Variants in ZC3H6 observed in about 807,000 individuals in gnomAD.
The protein encoded by ZC3H6 is zinc finger CCCH domain-containing protein 6.
Under a neutral mutation model 107.7 loss-of-function variants are expected in ZC3H6, and 40 were observed. That is an observed-to-expected ratio of 0.37 (90% CI 0.29 to 0.48). The LOEUF (loss-of-function observed/expected upper bound fraction) is 0.48, where lower values mean the gene tolerates loss of function less well. Among genes scored for constraint, ZC3H6 ranks in the 20% least tolerant of loss-of-function variants. The pLI is 0.98. For missense variants in ZC3H6, 1,267 were observed against 1,410.4 expected, an observed-to-expected ratio of 0.90 and a Z score of 1.63; for synonymous variants, 493 against 487.9, an observed-to-expected ratio of 1.01 and a Z score of -0.14.
chr2:112,306,708 G>T (rs1676483501), intron 3 of ZC3H6, among the ~76,000 whole-genome samples: 1 of 152,150 alleles, frequency 6.6e-6, no homozygotes, highest in Non-Finnish European at 1.5e-5. Context: ...TGAGACCTCT[G>T]AGCCACTCAG....
At chr2:112,314,326 T>G (rs1412071408) in intron 5 of ZC3H6, among the ~76,000 whole-genome samples, 2 of 152,156 alleles carry the variant, frequency 1.3e-5, no homozygotes, top group African/African-American at 2.4e-5. Context: ...CCCTAAAAAT[T>G]TATTTGTTAA....
chr2:112,313,716 G>A (rs536090927), intron 5 of ZC3H6, among the ~76,000 whole-genome samples: 15 of 152,282 alleles, frequency 9.9e-5, no homozygotes, highest in African/African-American at 3.6e-4. Context: ...GCCCACGGAA[G>A]CAGTTCATGT....
intron 1 of ZC3H6, among the ~76,000 whole-genome samples, chr2:112,281,762 G>A (rs574553723): frequency 8.7e-4 from 132 of 152,226 alleles, no homozygotes; most frequent in African/African-American, 2.9e-3. Flanking sequence ...TGAAATGAAT[G>A]ATACCACTCA....
In ZC3H6 at chr2:112,332,603, CT is replaced by C; in HGVS notation, c.*116del. On this transcript the variant is annotated 3_prime_UTR_variant, in exon 12 of 12. Transcript: ENST00000409871. ...TTTTTAAATTATAAACACTTTTCAG[CT>C]GCTAGTATCAGAACCACATGAAGTT... The C allele has an allele frequency of 9.7e-7, 1 of 1,033,834 alleles. No individual in the cohort carries two copies. Among genetic ancestry groups the C allele is most frequent in the Non-Finnish European group, 1.4e-6 (1 of 731,232 alleles). 64.0% of individuals were successfully genotyped at this position (1,033,834 alleles called of 1,614,324 possible).
chr2:112,290,829 T>C (rs765927407), intron 1 of ZC3H6, among the ~76,000 whole-genome samples: 62 of 152,386 alleles, frequency 4.1e-4, no homozygotes, highest in African/African-American at 6.3e-4. Context: ...AATTGAACTT[T>C]GGTAGTGTGC....
chr2:112,285,226 C>T (rs1314087013), intron 1 of ZC3H6, among the ~76,000 whole-genome samples: 3 of 152,188 alleles, frequency 2.0e-5, no homozygotes, highest in South Asian at 4.1e-4. Flanking sequence ...ACATTTTCTT[C>T]TTGCATTAAT....
At chr2:112,312,292 A>AG (rs1472649009) in intron 5 of ZC3H6, 3 of 167,626 alleles carry the variant, frequency 1.8e-5, no homozygotes, top group East Asian at 1.6e-4. Flanking sequence ...CTCAATATGT[A>AG]GGGGGGACAA....
chr2:112,331,248 T>G lies in ZC3H6; in HGVS notation c.2330T>G (p.Leu777Arg). 2 of 1,613,844 alleles carry G rather than the reference T, an allele frequency of 1.2e-6. No homozygotes were observed. The highest frequency in any genetic ancestry group is 1.7e-6 in the Non-Finnish European group (2 of 1,179,876). Residue 777 changes from leucine (L) to arginine (R), a missense_variant, in exon 12 of 12, where the codon CTG (leucine) becomes CGG (arginine). Around this residue, in one of 3 missense-constraint regions of ZC3H6, gnomAD observed 925 missense variants for 1,025.7 expected, o/e 0.90. Coordinates refer to ENST00000409871, the MANE Select transcript of ZC3H6 (RefSeq NM_198581.3). ...DIRKPSESAP[L>R]DLRLAWDPRK... Reference sequence around the variant, plus strand: ...AGAAAGCCTTCTGAGTCTGCCCCACTGGATCTTAGACTTGCGTGGGATCCC... The same window carrying G: ...AGAAAGCCTTCTGAGTCTGCCCCACGGGATCTTAGACTTGCGTGGGATCCC...
chr2:112,330,202 G>A (rs182386873), intron 11 of ZC3H6, among the ~76,000 whole-genome samples: 38 of 151,998 alleles, frequency 2.5e-4, no homozygotes, highest in Admixed American at 1.4e-3. Flanking sequence ...ACATGTGCCC[G>A]CCACCGTGCA....
chr2:112,296,250 G>A (rs1167284334), intron 1 of ZC3H6, among the ~76,000 whole-genome samples: 1 of 151,986 alleles, frequency 6.6e-6, no homozygotes. Flanking sequence ...TTATATATTG[G>A]TTTGTCTGTT....
At chr2:112,306,751 G>A (rs1237116770) in intron 3 of ZC3H6, among the ~76,000 whole-genome samples, 1 of 152,134 alleles carries the variant, frequency 6.6e-6, no homozygotes, top group Non-Finnish European at 1.5e-5. Flanking sequence ...TCTGTGATTC[G>A]CATTTTGAGA....
intron 9 of ZC3H6, among the ~76,000 whole-genome samples, chr2:112,323,348 AGCGTCTGT>A (rs1676841351): frequency 1.3e-5 from 2 of 152,158 alleles, no homozygotes; most frequent in African/African-American, 4.8e-5. Context: ...CCAGTCCCCA[AGCGTCTGT>A]GCACCTGGGC....
chr2:112,321,964 G>A (rs1676808845), intron 8 of ZC3H6, 99 bp downstream of exon 8: 1 of 525,016 alleles, frequency 1.9e-6, no homozygotes, highest in African/African-American at 2.0e-5. Flanking sequence ...CTGAGAAATT[G>A]AAAGTTTACT....
intron 11 of ZC3H6, among the ~76,000 whole-genome samples, chr2:112,327,859 A>G (rs887646241): frequency 6.6e-6 from 1 of 151,578 alleles, no homozygotes. Context: ...GTTCTGTTCC[A>G]TTGGTCTATG....
rs1011242788 is a variant in ZC3H6, at chr2:112,311,870, G to A, written c.680G>A (p.Arg227Gln). ...CGTGGCTTGCCGAAGAAAATCAAACGAAAAGAACGTGGGGGAAGAACCAAT... is the reference window on the plus strand; with the variant it reads ...CGTGGCTTGCCGAAGAAAATCAAACAAAAAGAACGTGGGGGAAGAACCAAT... ...RGRGLPKKIKRKERGGRTNKG... is the reference protein window; with the variant it reads ...RGRGLPKKIKQKERGGRTNKG... Residue 227 changes from arginine to glutamine, a missense_variant, in exon 5 of 12, where the codon CGA becomes CAA. By Grantham distance (43) the Arg-to-Gln change is conservative. This residue lies in a region of ZC3H6 where 337 missense variants were observed against 361.2 expected (regional missense o/e 0.93). Transcript: ENST00000409871. 2.5e-6 allele frequency: 4 copies of A among 1,613,462 alleles called. No individual in the cohort carries two copies. Among genetic ancestry groups the A allele is most frequent in the Admixed American group, 1.7e-5 (1 of 59,974 alleles).
chr2:112,325,803 TATA>T (rs1263929316), intron 11 of ZC3H6, among the ~76,000 whole-genome samples: 1 of 152,060 alleles, frequency 6.6e-6, no homozygotes, highest in East Asian at 1.9e-4. Context: ...AAGGATCTGC[TATA>T]ATAAGAAATA....
Position 112,324,605 on chromosome 2 carries a change from C to T in ZC3H6, c.1794C>T (p.Tyr598=), listed in dbSNP as rs371251687. Residue 598 remains tyrosine (Y), a synonymous_variant, in exon 10 of 12, where the codon TAC becomes TAT. Transcript: ENST00000409871. ...YESLQNPAEF[Y]DNYYAQHSIH... ...CCCTGCAAAACCCAGCTGAGTTTTA[C>T]GATAATTACTATGCACAGCATTCTA... 2.5e-4 allele frequency: 409 copies of T among 1,611,142 alleles called. No individual in the cohort carries two copies. Among genetic ancestry groups the T allele is most frequent in the Non-Finnish European group, 3.1e-4 (366 of 1,178,486 alleles).
intron 8 of ZC3H6, 26 bp from the exon 9 acceptor site, chr2:112,322,623 T>C: frequency 6.4e-7 from 1 of 1,571,386 alleles, no homozygotes; most frequent in Non-Finnish European, 8.6e-7. Flanking sequence ...CGCTTTGAAA[T>C]AGTAATCTTT....
rs1558958685 is a variant in ZC3H6, at chr2:112,331,304, A to C, written c.2386A>C (p.Ile796Leu). Residue 796 changes from isoleucine (I) to leucine (L), a missense_variant, in exon 12 of 12, where the codon ATA becomes CTA. Ile to Leu is a conservative substitution (Grantham distance 5). Transcript: ENST00000409871. ...ATTGAGAGGGAATGGAAGTGGTCAC[A>C]TAGGCTCTTCTGTTGGTGGAGCAAA... ...RKLRGNGSGH[I>L]GSSVGGAKFD... 1 of 1,613,678 alleles carries C rather than the reference A, an allele frequency of 6.2e-7. No homozygotes were observed.
Sources: gnomAD v4.1 joint callset for allele counts (sites outside exome capture counted in the v4.1 genomes callset) on GRCh38, gnomAD v4.1.1 for gene constraint, gnomAD v4.1.1 regional missense constraint, MANE v1.5 for transcripts, NCBI Gene and HGNC (gene_info 2026-07-23, HGNC 2026-07-21) for gene names.